The following SFI1 variants were observed in gnomAD, a reference collection of about 807,000 sequenced individuals.
The protein encoded by SFI1 is protein SFI1 homolog.
Under a neutral mutation model 207.5 loss-of-function variants are expected in SFI1, and 195 were observed. The observed-to-expected ratio is 0.94, with a 90% confidence interval of 0.84 to 1.06. The LOEUF is 1.06. Among genes scored for constraint, SFI1 ranks in the 50% least tolerant of loss-of-function variants. SFI1 has a pLI of 0.00. For synonymous variants in SFI1, 630 were observed against 598.9 expected (o/e 1.05, Z -0.76); for missense variants, 1,634 against 1,588.0 (o/e 1.03, Z -0.49).
At chr22:31,547,119 C>G in intron 5 of SFI1, 148 bp downstream of exon 5, 1 of 574,742 alleles carries the variant, frequency 1.7e-6, no homozygotes, top group Non-Finnish European at 3.1e-6. Context: ...GATCAGAGTT[C>G]CAAATTAAAC....
At chr22:31,604,583 G>T (rs1030000861) in intron 19 of SFI1, 179 bp downstream of exon 19, 6 of 614,824 alleles carry the variant, frequency 9.8e-6, no homozygotes, top group African/African-American at 9.4e-5. Flanking sequence ...ATTCTTGCTT[G>T]GCCAAGTGGA....
chr22:31,567,780 AC>A (rs962171372), intron 8 of SFI1, among the ~76,000 whole-genome samples: 3 of 152,242 alleles, frequency 2.0e-5, no homozygotes, highest in Non-Finnish European at 2.9e-5. Flanking sequence ...AAATAAAAAA[AC>A]AATTGCCAGA....
intron 12 of SFI1, among the ~76,000 whole-genome samples, chr22:31,582,967 A>G (rs1262213930): frequency 6.6e-6 from 1 of 152,170 alleles, no homozygotes; most frequent in Non-Finnish European, 1.5e-5. Context: ...TCTGTCATCC[A>G]GGCTAGAGTG....
intron 3 of SFI1, chr22:31,530,686 G>C (rs886303966): frequency 2.1e-6 from 1 of 466,370 alleles, no homozygotes; most frequent in Middle Eastern, 3.3e-4. Context: ...ACAGAGTGCT[G>C]AGAGTACACA....
At chr22:31,530,754 G>A (rs1461898037) in intron 3 of SFI1, 4 of 420,668 alleles carry the variant, frequency 9.5e-6, no homozygotes, top group African/African-American at 4.1e-5. Context: ...ATTTTAGGCA[G>A]GAAGAATAAT....
At chr22:31,556,208 GA>G (rs1333292805) in intron 6 of SFI1, among the ~76,000 whole-genome samples, 7 of 150,954 alleles carry the variant, frequency 4.6e-5, no homozygotes, top group Middle Eastern at 3.4e-3. Flanking sequence ...CTATACAATT[GA>G]AATTTTTTTT....
chr22:31,601,325 G>A (rs552186539), intron 15 of SFI1, among the ~76,000 whole-genome samples: 117 of 152,006 alleles, frequency 7.7e-4, no homozygotes, highest in African/African-American at 2.7e-3. Context: ...GGGTTTCACC[G>A]TGTTAGGCAG....
rs762207307 is a variant in SFI1, at chr22:31,575,303, G to T, written c.995G>T (p.Arg332Leu). 3 of 1,613,282 alleles carry T rather than the reference G, an allele frequency of 1.9e-6. No homozygotes were observed. In the African/African-American group the frequency reaches 4.0e-5, roughly 22 times the overall value. The change falls in exon 10 of 33, where the codon CGG (arginine) becomes CTG (leucine). Residue 332 changes from arginine (R) to leucine (L), a missense_variant. Physicochemically the swap from Arg to Leu is moderately radical, Grantham distance 102 (BLOSUM62 -2). Transcript: ENST00000400288. The part of the protein sequence containing the change: ...YFCDWQQAWE[R>L]RESLYAHHAQ... ...TGTGACTGGCAGCAGGCCTGGGAGC[G>T]GAGGGAGAGCTTGTACGCTCACCAT...
intron 2 of SFI1, among the ~76,000 whole-genome samples, chr22:31,526,347 G>C (rs754933997): frequency 1.3e-5 from 2 of 152,028 alleles, no homozygotes; most frequent in Admixed American, 6.6e-5. Flanking sequence ...TTCACATGGC[G>C]GCAGGAAAGA....
intron 6 of SFI1, 27 bp downstream of exon 6, chr22:31,550,375 G>C: frequency 1.9e-6 from 3 of 1,572,492 alleles, no homozygotes; most frequent in Non-Finnish European, 2.6e-6. Context: ...CATGTCTGAA[G>C]AAGATGCCCA....
At chr22:31,550,174 G>A in intron 5 of SFI1, 80 bp from the exon 6 acceptor site, 1 of 1,066,290 alleles carries the variant, frequency 9.4e-7, no homozygotes, top group Non-Finnish European at 1.4e-6. Flanking sequence ...GCCTCCCAAA[G>A]TGCTAGGGTT....
intron 3 of SFI1, 158 bp from the exon 4 acceptor site, chr22:31,530,900 T>C: frequency 4.9e-6 from 3 of 608,452 alleles, no homozygotes; most frequent in Non-Finnish European, 8.8e-6. Flanking sequence ...CCCCATCCTA[T>C]GCCCTGTATG....
At chr22:31,589,686 G>C (rs1204220077) in intron 15 of SFI1, 109 bp downstream of exon 15, 7 of 1,195,808 alleles carry the variant, frequency 5.9e-6, no homozygotes, top group Non-Finnish European at 8.0e-6. Flanking sequence ...CCAGGCCCTA[G>C]TACTTCCTGG....
At chr22:31,523,686 C>G (rs1224215170) in intron 2 of SFI1, among the ~76,000 whole-genome samples, 3 of 151,998 alleles carry the variant, frequency 2.0e-5, no homozygotes, top group Admixed American at 2.0e-4. Context: ...TCTGTGAAGT[C>G]CATTATCTCC....
At chr22:31,617,987 G>C in intron 31 of SFI1, 128 bp from the exon 32 acceptor site, 1 of 1,034,702 alleles carries the variant, frequency 9.7e-7, no homozygotes, top group Non-Finnish European at 1.4e-6. Flanking sequence ...TTCAGGTCAG[G>C]GGCCCTACCA....
Position 31,585,078 on chromosome 22 carries a change from C to A in SFI1, c.1357C>A (p.Leu453Met). The change falls in exon 14 of 33, where the codon CTG becomes ATG. Residue 453 changes from leucine (L) to methionine (M), a missense_variant. Coordinates refer to ENST00000400288, the MANE Select transcript of SFI1 (RefSeq NM_001007467.3). ...TTCCTTTTGTTTCAGAATAGCACTG[C>A]TGTGCAAATGTATCGAATTGTGGCT... Reference protein sequence around the residue: ...AAWDHYRIALLCKCIELWLQY... With the variant: ...AAWDHYRIALMCKCIELWLQY... 1 of 1,613,830 alleles carries A rather than the reference C, an allele frequency of 6.2e-7. No homozygotes were observed. Among genetic ancestry groups the A allele is most frequent in the Non-Finnish European group, 8.5e-7 (1 of 1,179,862 alleles).
At chr22:31,576,712 T>C (rs897013423) in intron 10 of SFI1, among the ~76,000 whole-genome samples, 8 of 151,232 alleles carry the variant, frequency 5.3e-5, no homozygotes, top group African/African-American at 1.9e-4. Flanking sequence ...CAATCTTGGC[T>C]CACCACAACC....
rs1018496801 is a variant in SFI1 at position 31,580,170 on chromosome 22, T to C, written c.1156-102T>C. 13 of 798,208 alleles carry C rather than the reference T, an allele frequency of 1.6e-5. No individual in the cohort carries two copies. In the African/African-American group the frequency reaches 2.1e-4, roughly 13 times the overall value. The allele number at this position is 798,208 out of a possible 1,614,324, so 49.4% of individuals were successfully genotyped here. On this transcript the variant is annotated intron_variant, in intron 11 of 32. Coordinates refer to ENST00000400288, the MANE Select transcript of SFI1 (RefSeq NM_001007467.3). ...AGCTACAAGAAGCTGTGACCAAGCT[T>C]CTCCCCGCTGATTTGAGGCACTGTT...
intron 21 of SFI1, chr22:31,607,506 G>C (rs886755195): frequency 6.6e-6 from 1 of 151,958 alleles, no homozygotes; most frequent in African/African-American, 2.4e-5. Flanking sequence ...AGAAGGCTGA[G>C]GCAGGAGAAT....
Sources: allele counts gnomAD v4.1 joint callset (sites outside exome capture counted in the v4.1 genomes callset), GRCh38; gene constraint gnomAD v4.1.1; transcripts MANE v1.5; gene names NCBI Gene and HGNC (gene_info 2026-07-23, HGNC 2026-07-21).